COL5A2: variants seen among roughly 807,000 people sequenced by gnomAD.
COL5A2 encodes collagen type V alpha 2 chain.
Under a neutral mutation model 208.2 loss-of-function variants are expected in COL5A2, and 23 were observed. The observed-to-expected ratio is 0.11, with a 90% CI of 0.08 to 0.16. The LOEUF is 0.16. COL5A2 is among the 10% of genes least tolerant of loss of function. The probability of loss-of-function intolerance (pLI) is 1.00; values close to 1 mark genes in which losing one functional copy is unlikely to be tolerated. For synonymous variants in COL5A2, 625 were observed against 628.5 expected (o/e 0.99, Z 0.08); for missense variants, 1,590 against 1,956.4 (o/e 0.81, Z 3.53).
chr2:189,068,590 T>C (rs772285028), intron 19 of COL5A2, among the ~76,000 whole-genome samples, 196 bp downstream of exon 19: 8 of 152,308 alleles, frequency 5.3e-5, no homozygotes, highest in Non-Finnish European at 1.0e-4. Context: ...AGAAGTGATA[T>C]ATGCTCAATG....
chr2:189,412,109 TAAG>T, the COL5A2 span, among the ~76,000 whole-genome samples: 3 of 152,186 alleles, frequency 2.0e-5, no homozygotes, highest in African/African-American at 7.2e-5. Flanking sequence ...GCATCATGCC[TAAG>T]AAGAGGCCTG....
the COL5A2 span, chr2:189,311,763 G>C: frequency 1.2e-6 from 1 of 809,724 alleles, no homozygotes; most frequent in Non-Finnish European, 2.1e-6. Flanking sequence ...GCTCCTCTCG[G>C]TTCTTCCAAG....
At chr2:189,160,995 T>A (rs1404972896) in intron 1 of COL5A2, among the ~76,000 whole-genome samples, 4 of 151,736 alleles carry the variant, frequency 2.6e-5, no homozygotes, top group African/African-American at 9.7e-5. Context: ...CATACTCGGC[T>A]AATTTTGTAT....
At chr2:189,066,571 C>T (rs553893569) in intron 22 of COL5A2, 74 bp from the exon 23 acceptor site, 40 of 1,487,666 alleles carry the variant, frequency 2.7e-5, no homozygotes, top group Admixed American at 8.4e-5. Flanking sequence ...CCTAATTTAA[C>T]GAAGTCAGTC....
intron 35 of COL5A2, among the ~76,000 whole-genome samples, chr2:189,055,825 G>T (rs566518736): frequency 6.6e-6 from 1 of 152,250 alleles, no homozygotes; most frequent in East Asian, 1.9e-4. Flanking sequence ...AGGCACAATT[G>T]ATATGTATTT....
At chr2:189,415,281 T>TAA in the COL5A2 span, among the ~76,000 whole-genome samples, 1 of 152,210 alleles carries the variant, frequency 6.6e-6, no homozygotes, top group Non-Finnish European at 1.5e-5. Flanking sequence ...TTCAAATAGA[T>TAA]AATTTAATTT....
chr2:189,295,066 C>G, the COL5A2 span, among the ~76,000 whole-genome samples: 1 of 152,172 alleles, frequency 6.6e-6, no homozygotes, highest in Non-Finnish European at 1.5e-5. Context: ...GCCTCCACCT[C>G]CCAAAGTCAT....
the COL5A2 span, among the ~76,000 whole-genome samples, chr2:189,235,737 T>C: frequency 1.1e-4 from 16 of 151,882 alleles, no homozygotes; most frequent in African/African-American, 3.9e-4. Flanking sequence ...TTTTAGCTCC[T>C]AATTAATTCC....
At chr2:189,262,940 A>T in the COL5A2 span, among the ~76,000 whole-genome samples, 2 of 152,146 alleles carry the variant, frequency 1.3e-5, no homozygotes. Flanking sequence ...GATTAAATGT[A>T]TGTCACAGTT....
chr2:189,199,541 CA>C (rs1689046059), intron 1 of COL5A2, among the ~76,000 whole-genome samples: 2 of 152,192 alleles, frequency 1.3e-5, no homozygotes, highest in South Asian at 4.2e-4. Context: ...TGTTTATAAC[CA>C]AAGCAGAAAG....
intron 1 of COL5A2, among the ~76,000 whole-genome samples, chr2:189,219,839 A>G (rs1163512088): frequency 6.7e-6 from 1 of 150,318 alleles, no homozygotes; most frequent in East Asian, 2.0e-4. Context: ...AACCAGGGAC[A>G]GCTTCACGGA....
intron 31 of COL5A2, 109 bp from the exon 32 acceptor site, chr2:189,059,002 G>T: frequency 2.6e-6 from 2 of 774,520 alleles, no homozygotes; most frequent in Non-Finnish European, 4.4e-6. Flanking sequence ...CCATTAGAAG[G>T]CTGCATAAGC....
the COL5A2 span, among the ~76,000 whole-genome samples, chr2:189,411,359 G>GT: frequency 6.6e-5 from 10 of 151,846 alleles, no homozygotes; most frequent in African/African-American, 1.7e-4. Flanking sequence ...TGCTTCAATC[G>GT]TTTTTTTTAT....
chr2:189,210,808 T>C (rs1689203322), intron 1 of COL5A2, among the ~76,000 whole-genome samples: 1 of 152,200 alleles, frequency 6.6e-6, no homozygotes, highest in Admixed American at 6.5e-5. Context: ...TGTGTCTAAA[T>C]ATTTGCTTCT....
At chr2:189,227,905 C>A (rs1280857422), upstream of COL5A2, among the ~76,000 whole-genome samples, 1 of 151,932 alleles carries the variant, frequency 6.6e-6, no homozygotes, top group Non-Finnish European at 1.5e-5. Flanking sequence ...ATGCATTCTT[C>A]TCTCCAGTAT....
At chr2:189,050,528 T>A (rs775230302) in intron 43 of COL5A2, 41 bp downstream of exon 43, 3 of 1,413,206 alleles carry the variant, frequency 2.1e-6, no homozygotes, top group Non-Finnish European at 2.9e-6. Flanking sequence ...CAATTTGTAT[T>A]GCACATATGA....
chr2:189,153,786 A>G (rs1308863847), intron 1 of COL5A2, among the ~76,000 whole-genome samples: 4 of 151,810 alleles, frequency 2.6e-5, no homozygotes, highest in African/African-American at 9.7e-5. Context: ...AGTGCTTCAC[A>G]TCCCTTTTGG....
the COL5A2 span, among the ~76,000 whole-genome samples, chr2:189,380,172 G>C: frequency 1.3e-5 from 2 of 152,128 alleles, no homozygotes; most frequent in East Asian, 3.9e-4. Flanking sequence ...AAGATGAATG[G>C]AATGGGATAA....
chr2:189,279,816 A>G, the COL5A2 span, among the ~76,000 whole-genome samples: 3 of 152,134 alleles, frequency 2.0e-5, no homozygotes, highest in Non-Finnish European at 4.4e-5. Context: ...TTATAAATAG[A>G]TTTGATGCAA....
Sources: allele counts gnomAD v4.1 joint callset (sites outside exome capture counted in the v4.1 genomes callset), GRCh38; gene constraint gnomAD v4.1.1; transcripts MANE v1.5; gene names NCBI Gene and HGNC (gene_info 2026-07-23, HGNC 2026-07-21).